The following FAM91A1 variants were observed in gnomAD, a reference collection of about 807,000 sequenced individuals.
FAM91A1 encodes family with sequence similarity 91 member A1.
In FAM91A1, 41 loss-of-function variants were observed where a neutral mutation model predicts 113.5. That is an observed-to-expected ratio of 0.36 (90% CI 0.28 to 0.47). The LOEUF (loss-of-function observed/expected upper bound fraction) is 0.47, where lower values mean the gene tolerates loss of function less well. Ranked by LOEUF, FAM91A1 falls within the 20% of genes least tolerant of loss-of-function variation. The pLI is 1.00. For synonymous variants in FAM91A1, 307 were observed against 347.9 expected (o/e 0.88, Z 1.31); for missense variants, 696 against 1,001.2 (o/e 0.70, Z 4.11).
chr8:123,772,586 TA>T (rs1312036672), intron 1 of FAM91A1, among the ~76,000 whole-genome samples: 1 of 152,180 alleles, frequency 6.6e-6, no homozygotes, highest in African/African-American at 2.4e-5. Flanking sequence ...TAGCCTGTGA[TA>T]AACTAAGCTA....
chr8:123,774,496 G>T (rs1461032596), intron 2 of FAM91A1, among the ~76,000 whole-genome samples: 1 of 151,766 alleles, frequency 6.6e-6, no homozygotes, highest in East Asian at 1.9e-4. Context: ...TTGACTTTGG[G>T]TTGTCTCCAT....
intron 12 of FAM91A1, 70 bp downstream of exon 12, chr8:123,786,680 C>G (rs773004088): frequency 9.0e-7 from 1 of 1,110,680 alleles, no homozygotes; most frequent in Non-Finnish European, 1.4e-6. Context: ...TACACTCTTA[C>G]AGTTACCTTC....
chr8:123,799,337 C>T (rs1219021971), intron 16 of FAM91A1, among the ~76,000 whole-genome samples, 183 bp from the exon 17 acceptor site: 3 of 152,132 alleles, frequency 2.0e-5, no homozygotes, highest in African/African-American at 7.2e-5. Context: ...ATTGCAGTGA[C>T]AAGACATAAT....
chr8:123,803,152 A>T (rs190776350), intron 18 of FAM91A1, among the ~76,000 whole-genome samples: 202 of 152,212 alleles, frequency 1.3e-3, no homozygotes, highest in African/African-American at 4.6e-3. Context: ...TATAGTAACA[A>T]ATCTTTCTTG....
intron 15 of FAM91A1, among the ~76,000 whole-genome samples, chr8:123,794,074 C>T (rs746115580): frequency 1.3e-5 from 2 of 152,136 alleles, no homozygotes; most frequent in African/African-American, 2.4e-5. Flanking sequence ...TTGTAGAGAT[C>T]GGAAACTGGA....
chr8:123,789,152 T>C (rs2130099235), intron 14 of FAM91A1, among the ~76,000 whole-genome samples: 1 of 152,228 alleles, frequency 6.6e-6, no homozygotes, highest in Admixed American at 6.5e-5. Context: ...CTTTGTTGAG[T>C]GAATTTAAGC....
Position 123,812,547 on chromosome 8 carries a change from C to T in FAM91A1, c.2360C>T (p.Thr787Ile). 1.3e-6 allele frequency: 2 copies of T among 1,590,864 alleles called. No individual in the cohort carries two copies. The highest frequency in any genetic ancestry group is 2.3e-5 in the East Asian group (1 of 44,294). The change falls in exon 24 of 24, where the codon ACA becomes ATA. Residue 787 changes from threonine to isoleucine, a missense_variant. Transcript: ENST00000334705. ...QEGASILDIH[T>I]EPSFSSLLSQ... ...GGTGCTTCAATATTGGATATTCACA[C>T]AGAGCCCAGTTTTTCAAGTTTGCTT...
chr8:123,805,278 G>T lies in FAM91A1; in HGVS notation c.1821G>T (p.Leu607=). 1 of 1,611,514 alleles carries T rather than the reference G, an allele frequency of 6.2e-7. No individual in the cohort carries two copies. Among genetic ancestry groups the T allele is most frequent in the Non-Finnish European group, 8.5e-7 (1 of 1,178,854 alleles). Residue 607 remains leucine, a synonymous_variant, in exon 19 of 24, where the codon CTG becomes CTT. Coordinates refer to ENST00000334705, the MANE Select transcript of FAM91A1 (RefSeq NM_144963.4). Reference sequence around the variant, plus strand: ...TTGTTTATGTTTAGGGGCATGGTCTGCATGGGATAGGAGAAACTGTCCATG... The same window carrying T: ...TTGTTTATGTTTAGGGGCATGGTCTTCATGGGATAGGAGAAACTGTCCATG... The part of the protein sequence containing the change: ...HSAVLIQGHG[L]HGIGETVHVP...
chr8:123,806,409 A>G (rs891299349), intron 20 of FAM91A1, among the ~76,000 whole-genome samples, 180 bp downstream of exon 20: 1 of 152,206 alleles, frequency 6.6e-6, no homozygotes. Flanking sequence ...AGTTGTTCAA[A>G]TGAAGAAAAT....
At chr8:123,790,700 T>C (rs1251816652) in intron 15 of FAM91A1, among the ~76,000 whole-genome samples, 1 of 152,208 alleles carries the variant, frequency 6.6e-6, no homozygotes, top group Admixed American at 6.5e-5. Flanking sequence ...TAACAAGCTG[T>C]CACATAGGTG....
intron 1 of FAM91A1, among the ~76,000 whole-genome samples, chr8:123,769,025 G>A (rs1814775701): frequency 6.6e-6 from 1 of 152,208 alleles, no homozygotes; most frequent in African/African-American, 2.4e-5. Context: ...GCCTTTGCCC[G>A]CAGGATACAT....
intron 8 of FAM91A1, among the ~76,000 whole-genome samples, chr8:123,783,958 T>C (rs1303888370): frequency 6.6e-6 from 1 of 152,168 alleles, no homozygotes; most frequent in Non-Finnish European, 1.5e-5. Flanking sequence ...AACATGATGG[T>C]CATGCAGATG....
chr8:123,786,539 G>A lies in FAM91A1; in HGVS notation c.1007G>A (p.Gly336Glu). The A allele has an allele frequency of 6.2e-7, 1 of 1,614,018 alleles. No homozygotes were observed. The highest frequency in any genetic ancestry group is 8.5e-7 in the Non-Finnish European group (1 of 1,179,982). ...AAGATGCTCTTGTCATGGGATGGAG[G>A]GGAAAGTAGGAGTCCTGTACAAGAA... ...PQKMLLSWDG[G>E]ESRSPVQEAS... Residue 336 changes from glycine (G) to glutamate (E), a missense_variant, in exon 12 of 24, where the codon GGG becomes GAG. Transcript: ENST00000334705.
chr8:123,811,994 C>T (rs1210856844), intron 23 of FAM91A1: 1 of 152,362 alleles, frequency 6.6e-6, no homozygotes, highest in Non-Finnish European at 1.5e-5. Flanking sequence ...GCCTCAGCCT[C>T]TTGAGTAACT....
intron 8 of FAM91A1, among the ~76,000 whole-genome samples, chr8:123,783,565 T>C (rs995465613): frequency 6.6e-6 from 1 of 152,218 alleles, no homozygotes; most frequent in African/African-American, 2.4e-5. Flanking sequence ...GTCTTATTTT[T>C]CACTATTAGG....
chr8:123,802,055 C>A, intron 18 of FAM91A1, among the ~76,000 whole-genome samples: 1 of 152,032 alleles, frequency 6.6e-6, no homozygotes, highest in Non-Finnish European at 1.5e-5. Context: ...TGCCGTGGAA[C>A]TGAGAAGTTG....
At chr8:123,787,472 T>G (rs1815287355) in intron 13 of FAM91A1, 99 bp downstream of exon 13, 1 of 1,082,728 alleles carries the variant, frequency 9.2e-7, no homozygotes, top group African/African-American at 1.6e-5. Context: ...ACTACATTTA[T>G]TCCCGAAGCA....
intron 15 of FAM91A1, among the ~76,000 whole-genome samples, chr8:123,792,179 GA>G (rs199892552): frequency 2.0e-5 from 3 of 151,678 alleles, no homozygotes; most frequent in Admixed American, 2.0e-4. Context: ...CGTCTCAGAA[GA>G]AAAAAAAGAA....
At chr8:123,786,683 T>A in intron 12 of FAM91A1, 73 bp downstream of exon 12, 1 of 1,106,940 alleles carries the variant, frequency 9.0e-7, no homozygotes, top group Non-Finnish European at 1.4e-6. Flanking sequence ...ACTCTTACAG[T>A]TACCTTCTAA....
Sources: gnomAD v4.1 joint callset for allele counts (sites outside exome capture counted in the v4.1 genomes callset) on GRCh38, gnomAD v4.1.1 for gene constraint, MANE v1.5 for transcripts, NCBI Gene and HGNC (gene_info 2026-07-23, HGNC 2026-07-21) for gene names.